Variants in CARS2 observed in about 807,000 individuals in gnomAD.
CARS2 encodes cysteinyl-tRNA synthetase 2, mitochondrial.
In CARS2, 52 loss-of-function variants were observed where a neutral mutation model predicts 68.8. The observed-to-expected ratio is 0.76, with a 90% CI of 0.61 to 0.95. The LOEUF (loss-of-function observed/expected upper bound fraction) is 0.95. Ranked by LOEUF, CARS2 falls within the 40% of genes least tolerant of loss-of-function variation. The probability of loss-of-function intolerance (pLI) is 0.00; values close to 1 mark genes in which losing one functional copy is unlikely to be tolerated. For missense variants in CARS2, 780 were observed against 754.2 expected (o/e 1.03, Z -0.40); for synonymous variants, 314 against 303.6 (o/e 1.03, Z -0.36).
At chr13:110,643,806 C>A (rs1025328774) in intron 13 of CARS2, 5 of 202,402 alleles carry the variant, frequency 2.5e-5, no homozygotes, top group African/African-American at 4.7e-5. Flanking sequence ...TTCAGGTGAG[C>A]CTGATAAGGA....
chr13:110,676,068 C>T lies in CARS2; in HGVS notation c.785+906G>A, dbSNP rs1410355377. 1.3e-5 allele frequency among the ~76,000 whole-genome samples: 2 copies of T among 152,208 alleles called. No individual in the cohort carries two copies. The highest frequency in any genetic ancestry group is 6.5e-5 in the Admixed American group (1 of 15,280). On this transcript the variant is annotated intron_variant, in intron 7 of 14. Transcript: ENST00000257347. The surrounding 1 kb of genome is among the most constrained non-coding windows in gnomAD (Gnocchi z 4.0). ...ACTCAGGAGGATGAGGCAGGAGAAT[C>T]GCTTGAACCTGGGAGGCGGAGGTTG...
intron 10 of CARS2, among the ~76,000 whole-genome samples, chr13:110,649,558 G>A (rs2062145052): frequency 6.6e-6 from 1 of 152,226 alleles, no homozygotes; most frequent in Non-Finnish European, 1.5e-5. Flanking sequence ...CCCCATGGGG[G>A]AATGAGAATA....
intron 13 of CARS2, 80 bp downstream of exon 13, chr13:110,644,304 AT>A: frequency 7.0e-7 from 1 of 1,428,104 alleles, no homozygotes; most frequent in East Asian, 2.3e-5. Context: ...ATAATGCTCT[AT>A]TCCAAGTTAA....
chr13:110,686,839 T>C (rs1241743487), intron 5 of CARS2, among the ~76,000 whole-genome samples: 2 of 151,990 alleles, frequency 1.3e-5, no homozygotes, highest in Non-Finnish European at 2.9e-5. Context: ...ATTACAGGCA[T>C]CAGCCACCAT....
chr13:110,701,390 A>G, intron 3 of CARS2, 48 bp downstream of exon 3: 1 of 914,016 alleles, frequency 1.1e-6, no homozygotes, highest in Non-Finnish European at 1.8e-6. Flanking sequence ...AAGGGCTCAG[A>G]ACACTAATCA....
At chr13:110,709,905 T>C (rs1241232037), upstream of CARS2, among the ~76,000 whole-genome samples, 1 of 152,194 alleles carries the variant, frequency 6.6e-6, no homozygotes, top group Non-Finnish European at 1.5e-5. Context: ...ATATCACTAA[T>C]GCCATTTCTC....
intron 9 of CARS2, among the ~76,000 whole-genome samples, chr13:110,656,684 A>G (rs943886622): frequency 6.6e-5 from 10 of 152,288 alleles, no homozygotes; most frequent in Admixed American, 1.3e-4. Flanking sequence ...GGAGATCAAG[A>G]CCATCCTGGC....
chr13:110,702,066 G>A (rs1279250456), intron 2 of CARS2, among the ~76,000 whole-genome samples: 1 of 152,188 alleles, frequency 6.6e-6, no homozygotes, highest in Non-Finnish European at 1.5e-5. Flanking sequence ...CTACACTGGG[G>A]TAATTCAGAC....
intron 6 of CARS2, among the ~76,000 whole-genome samples, chr13:110,680,160 G>C (rs1024732697): frequency 1.4e-3 from 121 of 84,970 alleles, no homozygotes; most frequent in Non-Finnish European, 2.3e-3. Flanking sequence ...GGGGGGGGGG[G>C]GGGGGTGGAT....
chr13:110,683,529 C>T (rs1391405064), intron 5 of CARS2, among the ~76,000 whole-genome samples: 1 of 152,214 alleles, frequency 6.6e-6, no homozygotes, highest in Non-Finnish European at 1.5e-5. Context: ...TGTAAGTTCT[C>T]TGTAAACTAC....
At chr13:110,682,463 G>C (rs2063185033) in intron 6 of CARS2, among the ~76,000 whole-genome samples, 1 of 152,236 alleles carries the variant, frequency 6.6e-6, no homozygotes, top group South Asian at 2.1e-4. Flanking sequence ...CAGAAAGACA[G>C]TGCCTAAAAC....
chr13:110,705,429 A>T lies in CARS2; in HGVS notation c.275+92T>A. The T allele has an allele frequency of 1.2e-6, 1 of 840,306 alleles. No individual in the cohort carries two copies. 52.1% of individuals were successfully genotyped at this position (840,306 alleles called of 1,614,324 possible). A position where few individuals can be genotyped will look rare whatever the true frequency, so the allele number is the denominator to read the frequency against. On this transcript the variant is annotated intron_variant, in intron 2 of 14. Coordinates refer to ENST00000257347, the MANE Select transcript of CARS2 (RefSeq NM_024537.4). The surrounding 1 kb of genome is among the most constrained non-coding windows in gnomAD (Gnocchi z 4.0). Reference sequence around the variant, plus strand: ...ATGTAGGAATTATTCTGCATCCCTAAGTTGCCACTTAAGAGATAAAAGAAA... The same window carrying T: ...ATGTAGGAATTATTCTGCATCCCTATGTTGCCACTTAAGAGATAAAAGAAA...
chr13:110,712,984 C>T (rs528299088), intron 1 of CARS2: 2 of 1,552,422 alleles, frequency 1.3e-6, no homozygotes, highest in Non-Finnish European at 8.7e-7. Flanking sequence ...ATGGGTAGGT[C>T]TCCCGCGCAC....
rs1206447693 is a variant in CARS2 at position 110,641,727 on chromosome 13, T to C, written c.1624-119A>G. On this transcript the variant is annotated intron_variant, in intron 14 of 14. Transcript: ENST00000257347. ...CCTCACCGGCCTGTCCTAAAAAGCT[T>C]GCCAGGCGCTTAGAAAGGGCCCCAC... is the stretch of plus-strand genomic sequence containing the variant. The C allele has an allele frequency of 1.2e-5, 10 of 815,518 alleles. No homozygotes were observed. The East Asian group carries it at 2.4e-4, about 20-fold the overall frequency. The allele number at this position is 815,518 out of a possible 1,614,324, so 50.5% of individuals were successfully genotyped here. A position where few individuals can be genotyped will look rare whatever the true frequency, so the allele number is the denominator to read the frequency against.
upstream of CARS2, chr13:110,706,176 G>GCCCCT: frequency 1.0e-6 from 1 of 971,726 alleles, no homozygotes; most frequent in East Asian, 4.1e-5. Flanking sequence ...GCACGGCCCC[G>GCCCCT]CCCCGCCCCG....
At chr13:110,664,213 A>G in intron 8 of CARS2, 1 of 985,212 alleles carries the variant, frequency 1.0e-6, no homozygotes. Context: ...AACTTCAAAC[A>G]GGAGTCCTCC....
rs1566630153 is a variant in CARS2, at chr13:110,641,610, T to C, written c.1624-2A>G. On this transcript the variant is annotated splice_acceptor_variant, in intron 14 of 14. Coordinates refer to ENST00000257347, the MANE Select transcript of CARS2 (RefSeq NM_024537.4). LOFTEE classifies it high-confidence loss of function. ...CGTGGATGTTGTACTGCTTCTGTCC[T>C]GGAGAAGAAGAGTGAGGTCCAACTC... 1.9e-6 allele frequency: 3 copies of C among 1,612,892 alleles called. No homozygotes were observed. Among genetic ancestry groups the C allele is most frequent in the Non-Finnish European group, 2.5e-6 (3 of 1,179,034 alleles).
chr13:110,694,673 T>C (rs1485687131), intron 3 of CARS2, among the ~76,000 whole-genome samples: 2 of 152,096 alleles, frequency 1.3e-5, no homozygotes, highest in Non-Finnish European at 2.9e-5. Context: ...TATGTGAATA[T>C]ATCCTACCTC....
intron 7 of CARS2, among the ~76,000 whole-genome samples, chr13:110,674,550 A>G (rs1209034264): frequency 6.6e-6 from 1 of 151,558 alleles, no homozygotes; most frequent in African/African-American, 2.4e-5. Context: ...CCTTACACAA[A>G]ATTAATTCAA....
Sources: allele counts gnomAD v4.1 joint callset (sites outside exome capture counted in the v4.1 genomes callset), GRCh38; gene constraint gnomAD v4.1.1; non-coding constraint Gnocchi (gnomAD v3.1); transcripts MANE v1.5; gene names NCBI Gene and HGNC (gene_info 2026-07-23, HGNC 2026-07-21).